The following ESRRG variants were observed in gnomAD, a reference collection of about 807,000 sequenced individuals.
ESRRG encodes estrogen related receptor gamma.
In ESRRG, 13 loss-of-function variants were observed where a neutral mutation model predicts 44.0. The ratio of observed to expected loss-of-function variants is 0.30; its 90% CI spans 0.19 to 0.47. The LOEUF (loss-of-function observed/expected upper bound fraction) is 0.47. Among genes scored for constraint, ESRRG ranks in the 20% least tolerant of loss-of-function variants. The pLI is 1.00. For synonymous variants in ESRRG, 215 were observed against 214.6 expected (o/e 1.00, Z -0.02); for missense variants, 395 against 580.6 (o/e 0.68, Z 3.29).
At chr1:216,958,669 C>A (rs2068435488) in intron 1 of ESRRG, among the ~76,000 whole-genome samples, 1 of 152,156 alleles carries the variant, frequency 6.6e-6, no homozygotes, top group South Asian at 2.1e-4. Flanking sequence ...AATCCAATAG[C>A]ATTTCAGATC....
intron 1 of ESRRG, among the ~76,000 whole-genome samples, chr1:217,016,879 T>C (rs1451093996): frequency 1.3e-5 from 2 of 152,198 alleles, no homozygotes; most frequent in Non-Finnish European, 2.9e-5. Context: ...AATGCCTATA[T>C]ATCTAGGCAT....
intron 1 of ESRRG, among the ~76,000 whole-genome samples, chr1:216,990,857 G>A (rs768674951): frequency 6.6e-6 from 1 of 152,140 alleles, no homozygotes; most frequent in Non-Finnish European, 1.5e-5. Context: ...GTTATAAGTG[G>A]ATTTTCAACT....
chr1:216,876,089 A>G (rs1161940456), intron 2 of ESRRG, among the ~76,000 whole-genome samples: 1 of 152,246 alleles, frequency 6.6e-6, no homozygotes, highest in Non-Finnish European at 1.5e-5. Context: ...CTGAAGGCAT[A>G]GAAGAAATAA....
chr1:216,819,987 G>C (rs2095250814), intron 2 of ESRRG, among the ~76,000 whole-genome samples: 1 of 152,114 alleles, frequency 6.6e-6, no homozygotes, highest in Non-Finnish European at 1.5e-5. Flanking sequence ...TCTTCAAAGG[G>C]GCATATGGCA....
chr1:216,867,284 G>T (rs1025721135), intron 2 of ESRRG, among the ~76,000 whole-genome samples: 1 of 152,118 alleles, frequency 6.6e-6, no homozygotes, highest in Non-Finnish European at 1.5e-5. Flanking sequence ...CTTATCAAAA[G>T]AATTCTCCTT....
chr1:217,080,798 C>T (rs1400105185), intron 1 of ESRRG, among the ~76,000 whole-genome samples: 9 of 151,474 alleles, frequency 5.9e-5, no homozygotes, highest in Non-Finnish European at 8.8e-5. Context: ...CTGCCTCAGC[C>T]TCCCTAGTAG....
chr1:216,768,008 A>G (rs938466318), intron 2 of ESRRG, among the ~76,000 whole-genome samples: 1 of 152,120 alleles, frequency 6.6e-6, no homozygotes, highest in African/African-American at 2.4e-5. Flanking sequence ...GGTATGTTTT[A>G]TTATTGAAAG....
intron 1 of ESRRG, among the ~76,000 whole-genome samples, chr1:216,963,317 T>A (rs1039638001): frequency 6.6e-6 from 1 of 152,148 alleles, no homozygotes; most frequent in Non-Finnish European, 1.5e-5. Context: ...TCTGAGGTTA[T>A]AAACCACCAC....
At chr1:217,033,906 G>T (rs868459227) in intron 1 of ESRRG, among the ~76,000 whole-genome samples, 3 of 152,172 alleles carry the variant, frequency 2.0e-5, no homozygotes, top group Non-Finnish European at 1.5e-5. Flanking sequence ...AAATACGTTC[G>T]TTAAAGCTAT....
chr1:216,915,110 T>C (rs1222649968), intron 2 of ESRRG, among the ~76,000 whole-genome samples: 1 of 152,136 alleles, frequency 6.6e-6, no homozygotes, highest in Non-Finnish European at 1.5e-5. Flanking sequence ...CCCCAGAATC[T>C]CTTCCATCTG....
intron 1 of ESRRG, among the ~76,000 whole-genome samples, chr1:216,972,408 A>G (rs1430042806): frequency 6.6e-6 from 1 of 152,182 alleles, no homozygotes; most frequent in South Asian, 2.1e-4. Flanking sequence ...AACTGAGTAC[A>G]TTAATTGCTA....
At chr1:216,658,903 G>C (rs1203211056) in intron 2 of ESRRG, among the ~76,000 whole-genome samples, 1 of 131,758 alleles carries the variant, frequency 7.6e-6, no homozygotes, top group Admixed American at 7.5e-5. Context: ...GAGAAGAGAA[G>C]AGAAGAGAAG....
chr1:216,807,679 T>TA (rs2094840055), intron 2 of ESRRG, among the ~76,000 whole-genome samples: 1 of 151,644 alleles, frequency 6.6e-6, no homozygotes, highest in Admixed American at 6.6e-5. Context: ...GGTATTCTCT[T>TA]AATCTCTTTG....
chr1:216,641,716 G>A (rs979734184), intron 3 of ESRRG, among the ~76,000 whole-genome samples: 4 of 152,188 alleles, frequency 2.6e-5, no homozygotes, highest in African/African-American at 9.7e-5. Flanking sequence ...GAGTTCCCAG[G>A]AATTGAACAG....
chr1:217,083,425 A>T (rs993231125), intron 1 of ESRRG, among the ~76,000 whole-genome samples: 1 of 152,220 alleles, frequency 6.6e-6, no homozygotes, highest in Non-Finnish European at 1.5e-5. Context: ...TGATTAATTG[A>T]TTGATCATTA....
chr1:217,088,056 A>T (rs2151539550), intron 1 of ESRRG, among the ~76,000 whole-genome samples: 1 of 152,154 alleles, frequency 6.6e-6, no homozygotes, highest in African/African-American at 2.4e-5. Context: ...ACAGGAAAAA[A>T]AAAAAAGAGA....
At chr1:216,890,702 CACAT>C (rs539103923) in intron 2 of ESRRG, among the ~76,000 whole-genome samples, 41 of 152,256 alleles carry the variant, frequency 2.7e-4, no homozygotes, top group African/African-American at 9.9e-4. Flanking sequence ...CCTAGATGGA[CACAT>C]GGATGCATCA....
At chr1:216,630,172 A>G (rs900791708) in intron 3 of ESRRG, among the ~76,000 whole-genome samples, 7 of 152,168 alleles carry the variant, frequency 4.6e-5, no homozygotes, top group Non-Finnish European at 7.3e-5. Flanking sequence ...AGTGCTATGA[A>G]AAACTATTTG....
At chr1:217,038,898 G>A (rs562577189) in intron 1 of ESRRG, among the ~76,000 whole-genome samples, 32 of 152,202 alleles carry the variant, frequency 2.1e-4, no homozygotes, top group Admixed American at 4.6e-4. Context: ...TTTTAAAACC[G>A]AATGCCTTTA....
Sources: allele counts gnomAD v4.1 joint callset (sites outside exome capture counted in the v4.1 genomes callset), GRCh38; gene constraint gnomAD v4.1.1; transcripts MANE v1.5; gene names NCBI Gene and HGNC (gene_info 2026-07-23, HGNC 2026-07-21).